TOGARAM2: variants seen among roughly 807,000 people sequenced by gnomAD.
The protein encoded by TOGARAM2 is TOG array regulator of axonemal microtubules 2, also known as TOG array regulator of axonemal microtubules protein 2.
Under a neutral mutation model 93.3 loss-of-function variants are expected in TOGARAM2, and 85 were observed. That is an observed-to-expected ratio of 0.91 (90% CI 0.76 to 1.09). The LOEUF is 1.09. Among genes scored for constraint, TOGARAM2 ranks in the 50% least tolerant of loss-of-function variants. The probability of loss-of-function intolerance (pLI) is 0.00; values close to 1 mark genes in which losing one functional copy is unlikely to be tolerated. For missense variants in TOGARAM2, 1,277 were observed against 1,334.5 expected (o/e 0.96, Z 0.67); for synonymous variants, 593 against 552.8 (o/e 1.07, Z -1.02).
chr2:28,987,592 G>A (rs1405070081), intron 1 of TOGARAM2, among the ~76,000 whole-genome samples: 2 of 152,144 alleles, frequency 1.3e-5, no homozygotes, highest in Non-Finnish European at 2.9e-5. Flanking sequence ...CCCGGCCAAT[G>A]TGCTTTAGTT....
At chr2:29,008,982 C>G (rs1664051112) in intron 6 of TOGARAM2, among the ~76,000 whole-genome samples, 2 of 152,180 alleles carry the variant, frequency 1.3e-5, no homozygotes, top group African/African-American at 2.4e-5. Context: ...GCTCTATTAC[C>G]ATTTCAGTCA....
upstream of TOGARAM2, among the ~76,000 whole-genome samples, chr2:28,980,844 T>C (rs990025963): frequency 2.6e-5 from 4 of 152,214 alleles, no homozygotes; most frequent in African/African-American, 9.6e-5. Context: ...TCAGTACTAT[T>C]GGTGTACCCA....
At chr2:28,976,243 T>G (rs188075111) in intron 1 of TOGARAM2, among the ~76,000 whole-genome samples, 1 of 151,996 alleles carries the variant, frequency 6.6e-6, no homozygotes, top group Admixed American at 6.6e-5. Flanking sequence ...TGGTGGCGGG[T>G]GCCTGTAGTC....
intron 14 of TOGARAM2, among the ~76,000 whole-genome samples, chr2:29,027,430 A>G (rs913039540): frequency 2.0e-5 from 3 of 152,202 alleles, no homozygotes; most frequent in Non-Finnish European, 4.4e-5. Flanking sequence ...ACAGATAATA[A>G]ATAAATAATT....
At chr2:29,016,363 G>A (rs1664572170) in intron 8 of TOGARAM2, among the ~76,000 whole-genome samples, 1 of 152,098 alleles carries the variant, frequency 6.6e-6, no homozygotes, top group African/African-American at 2.4e-5. Context: ...TGTGAGGCTA[G>A]CTCCAGACCC....
chr2:29,050,880 C>T (rs1667022799), intron 19 of TOGARAM2: 1 of 152,362 alleles, frequency 6.6e-6, no homozygotes, highest in Non-Finnish European at 1.5e-5. Context: ...GGCATTTACT[C>T]AGGTGATGAA....
intron 18 of TOGARAM2, among the ~76,000 whole-genome samples, chr2:29,042,433 A>G (rs1182191949): frequency 6.6e-6 from 1 of 152,216 alleles, no homozygotes; most frequent in East Asian, 1.9e-4. Flanking sequence ...GTTTGGGGCC[A>G]GAGGCGGGAG....
chr2:29,005,947 G>A (rs1663753179), intron 6 of TOGARAM2, among the ~76,000 whole-genome samples: 1 of 141,134 alleles, frequency 7.1e-6, no homozygotes, highest in South Asian at 2.3e-4. Context: ...TGTGGGGTAT[G>A]TGTGCATATG....
intron 1 of TOGARAM2, among the ~76,000 whole-genome samples, chr2:28,986,131 G>A (rs1455130288): frequency 9.1e-5 from 9 of 99,206 alleles, no homozygotes; most frequent in African/African-American, 1.4e-4. Flanking sequence ...AAAAAAAAAA[G>A]ATGTAGTGTG....
At chr2:29,039,041 T>A (rs562619143) in intron 18 of TOGARAM2, among the ~76,000 whole-genome samples, 2 of 152,264 alleles carry the variant, frequency 1.3e-5, no homozygotes, top group South Asian at 4.1e-4. Flanking sequence ...TGGAAGTAAC[T>A]AAATTTCCCG....
intron 1 of TOGARAM2, among the ~76,000 whole-genome samples, chr2:28,966,589 C>T (rs1370702878): frequency 6.6e-6 from 1 of 152,150 alleles, no homozygotes; most frequent in South Asian, 2.1e-4. Context: ...AGCCACCGTG[C>T]CTGGCCAAAT....
intron 1 of TOGARAM2, among the ~76,000 whole-genome samples, chr2:28,974,237 C>A (rs1372887819): frequency 6.6e-6 from 1 of 150,996 alleles, no homozygotes; most frequent in East Asian, 2.0e-4. Context: ...AAGTGATTCT[C>A]CTGCCTCAGC....
chr2:29,051,930 C>T lies in TOGARAM2; in HGVS notation c.2897C>T (p.Ser966Phe). The T allele has an allele frequency of 1.2e-6, 2 of 1,600,798 alleles. No individual in the cohort carries two copies. Among genetic ancestry groups the T allele is most frequent in the Non-Finnish European group, 1.7e-6 (2 of 1,174,214 alleles). ...LSRSLQEHMG[S>F]RLLDFAASQP... ...AGGAGCCTCCAGGAGCACATGGGCT[C>T]CCGCCTGCTGGACTTTGCCGCCAGC... Residue 966 changes from serine to phenylalanine, a missense_variant, in exon 20 of 20, where the codon TCC (serine) becomes TTC (phenylalanine). Transcript: ENST00000379558.
intron 18 of TOGARAM2, 65 bp from the exon 19 acceptor site, chr2:29,045,259 C>A (rs990938627): frequency 1.5e-6 from 2 of 1,374,236 alleles, no homozygotes; most frequent in African/African-American, 1.4e-5. Context: ...TGTGGCCCTG[C>A]AAACCCCTAG....
chr2:29,029,478 C>T (rs111592600), intron 14 of TOGARAM2, among the ~76,000 whole-genome samples: 10 of 152,224 alleles, frequency 6.6e-5, no homozygotes, highest in East Asian at 3.9e-4. Context: ...CATAATGGGC[C>T]GGGTGCGGTG....
intron 19 of TOGARAM2, chr2:29,047,060 G>A (rs1297799067): frequency 1.3e-5 from 2 of 152,906 alleles, no homozygotes; most frequent in Admixed American, 6.5e-5. Context: ...CATGGCTGAG[G>A]ACCTTGGCAC....
chr2:29,005,735 GCA>G (rs1174358483), intron 6 of TOGARAM2, among the ~76,000 whole-genome samples: 9 of 100,990 alleles, frequency 8.9e-5, no homozygotes, highest in African/African-American at 2.5e-4. Flanking sequence ...ATGTGTGTGA[GCA>G]CATATATGTG....
intron 14 of TOGARAM2, 127 bp downstream of exon 14, chr2:29,027,138 G>A (rs1665441003): frequency 9.8e-7 from 1 of 1,018,696 alleles, no homozygotes; most frequent in South Asian, 1.8e-5. Context: ...CGGAAGCTAT[G>A]TCCTTTCCTT....
Position 29,014,398 on chromosome 2 carries a change from C to A in TOGARAM2, c.881C>A (p.Pro294Gln). The change falls in exon 8 of 20, where the codon CCA becomes CAA. Residue 294 changes from proline to glutamine, a missense_variant. By Grantham distance (76) the Pro-to-Gln change is moderately conservative (BLOSUM62 -1). Coordinates refer to ENST00000379558, the MANE Select transcript of TOGARAM2 (RefSeq NM_199280.4). ...PREKTPASLEPKPLASPIRDR... is the reference protein window; with the variant it reads ...PREKTPASLEQKPLASPIRDR... ...ACCCCTGTTCTCAACCCCTCAGAGC[C>A]AAAACCTTTGGCCTCACCCATCAGA... 6.2e-7 allele frequency: 1 copy of A among 1,610,418 alleles called. No homozygotes were observed. The highest frequency in any genetic ancestry group is 8.5e-7 in the Non-Finnish European group (1 of 1,178,752).
Sources: gnomAD v4.1 joint callset for allele counts (sites outside exome capture counted in the v4.1 genomes callset) on GRCh38, gnomAD v4.1.1 for gene constraint, MANE v1.5 for transcripts, NCBI Gene and HGNC (gene_info 2026-07-23, HGNC 2026-07-21) for gene names.